PBRM1: variants seen among roughly 807,000 people sequenced by gnomAD.
The protein encoded by PBRM1 is polybromo 1.
In PBRM1, 27 loss-of-function variants were observed where a neutral mutation model predicts 194.5. That is an observed-to-expected ratio of 0.14 (90% CI 0.10 to 0.19). PBRM1 has a LOEUF of 0.19. PBRM1 is among the 10% of genes least tolerant of loss of function. The probability of loss-of-function intolerance (pLI) is 1.00; values close to 1 mark genes in which losing one functional copy is unlikely to be tolerated. For missense variants in PBRM1, 1,466 were observed against 2,077.2 expected (o/e 0.71, Z 5.72); for synonymous variants, 655 against 693.2 (o/e 0.94, Z 0.87).
At chr3:52,568,835 A>G (rs965988722) in intron 22 of PBRM1, among the ~76,000 whole-genome samples, 1 of 152,176 alleles carries the variant, frequency 6.6e-6, no homozygotes, top group Admixed American at 6.6e-5. Context: ...ATGTTTTAAT[A>G]TCTGGTAAGG....
chr3:52,658,382 T>A, intron 4 of PBRM1, 67 bp from the exon 6 acceptor site: 1 of 820,342 alleles, frequency 1.2e-6, no homozygotes, highest in Non-Finnish European at 2.0e-6. Flanking sequence ...ACATAGCTTC[T>A]AAAATTGTAG....
At position 52,564,239 on chromosome 3, in the gene PBRM1, A is replaced by G. The variant is rs1242477631; in HGVS notation, c.3692-6T>C. ...TGACAACACAGCACACTTTCCTGAAAGAGAAAATTAGAAAGAAATTAAAGG... is the reference window on the plus strand; with the variant it reads ...TGACAACACAGCACACTTTCCTGAAGGAGAAAATTAGAAAGAAATTAAAGG... On this transcript the variant is annotated splice_region_variant and splice_polypyrimidine_tract_variant and intron_variant, in intron 22 of 29. Transcript: ENST00000296302. 1 of 1,604,118 alleles carries G rather than the reference A, an allele frequency of 6.2e-7. No individual in the cohort carries two copies. The highest frequency in any genetic ancestry group is 1.3e-5 in the African/African-American group (1 of 74,776).
chr3:52,639,406 A>C (rs2095977049), intron 10 of PBRM1, among the ~76,000 whole-genome samples: 1 of 150,860 alleles, frequency 6.6e-6, no homozygotes, highest in African/African-American at 2.4e-5. Context: ...TTTTGATTTT[A>C]TTGATCTTTC....
upstream of PBRM1, chr3:52,681,848 G>A: frequency 3.4e-6 from 1 of 298,196 alleles, no homozygotes; most frequent in Non-Finnish European, 5.2e-6. Context: ...GGCAGAGAAG[G>A]GGGAAATAGA....
Position 52,663,258 on chromosome 3 carries a change from C to T in PBRM1, c.385-982G>A, listed in dbSNP as rs564319093. On this transcript the variant is annotated intron_variant, in intron 3 of 29. Coordinates refer to ENST00000296302, the Ensembl canonical transcript of PBRM1. ...TCATTTCCAAGGCTTCTCTGGGCAGCGAGGAGGGAAGACAAAGGTCAGGGT... is the reference window on the plus strand; with the variant it reads ...TCATTTCCAAGGCTTCTCTGGGCAGTGAGGAGGGAAGACAAAGGTCAGGGT... Among the ~76,000 whole-genome samples the T allele has an allele frequency of 7.4e-4, 112 of 152,158 alleles. 1 individual carries two copies. The highest frequency in any genetic ancestry group is 1.3e-3 in the Non-Finnish European group (91 of 67,998).
intron 27 of PBRM1, among the ~76,000 whole-genome samples, chr3:52,552,706 C>G (rs564423412): frequency 6.6e-6 from 1 of 152,296 alleles, no homozygotes; most frequent in Non-Finnish European, 1.5e-5. Context: ...CTAGAGGGTA[C>G]TGGCATTAGA....
intron 18 of PBRM1, among the ~76,000 whole-genome samples, chr3:52,588,548 CTTTCT>C (rs1403374798): frequency 1.5e-5 from 2 of 136,784 alleles, no homozygotes; most frequent in Non-Finnish European, 3.1e-5. Context: ...AGCTGTATTT[CTTTCT>C]TTTTTTTTTT....
intron 22 of PBRM1, among the ~76,000 whole-genome samples, chr3:52,572,046 C>CA (rs891946745): frequency 2.9e-5 from 4 of 136,138 alleles, no homozygotes; most frequent in Admixed American, 7.5e-5. Flanking sequence ...TCAAACAAAA[C>CA]AAAAAAAACT....
exon 18 of PBRM1, chr3:52,589,120 T>C (rs200477547): frequency 5.9e-5 from 95 of 1,613,656 alleles, no homozygotes; most frequent in Middle Eastern, 1.6e-4. Flanking sequence ...TGGTTGTAGG[T>C]TGGCCTCTGC....
chr3:52,564,662 A>G (rs1295547561), intron 22 of PBRM1, among the ~76,000 whole-genome samples: 1 of 152,104 alleles, frequency 6.6e-6, no homozygotes, highest in East Asian at 1.9e-4. Flanking sequence ...GAAAAAAAAA[A>G]AAAGATATAA....
intron 5 of PBRM1, among the ~76,000 whole-genome samples, chr3:52,652,482 A>G (rs2153813521): frequency 6.6e-6 from 1 of 151,116 alleles, no homozygotes; most frequent in South Asian, 2.1e-4. Context: ...AGGTCAGGAG[A>G]TTGAGACCAT....
intron 10 of PBRM1, among the ~76,000 whole-genome samples, chr3:52,637,450 G>A (rs574495903): frequency 6.6e-6 from 1 of 152,160 alleles, no homozygotes; most frequent in Admixed American, 6.5e-5. Context: ...TGGGCAAAAT[G>A]ATGAAACTCC....
At chr3:52,603,717 T>C (rs149186835) in exon 17 of PBRM1, 100 of 1,606,552 alleles carry the variant, frequency 6.2e-5, no homozygotes, top group Admixed American at 5.8e-4. Flanking sequence ...CATCTTCATA[T>C]ATTTCTGAAT....
intron 3 of PBRM1, among the ~76,000 whole-genome samples, chr3:52,662,993 T>C (rs184111716): frequency 1.3e-5 from 2 of 152,310 alleles, no homozygotes; most frequent in East Asian, 1.9e-4. Flanking sequence ...TTTCAAAATG[T>C]CTGCTCATGA....
chr3:52,561,985 T>G lies in PBRM1; in HGVS notation c.4087-17A>C. 6.3e-7 allele frequency: 1 copy of G among 1,594,278 alleles called. No homozygotes were observed. The highest frequency in any genetic ancestry group is 1.1e-5 in the South Asian group (1 of 90,664). ...TGGGGTAGACTGTAAGACAGAAAGG[T>G]CTTATGGTGCATCAAAACATTACAT... On this transcript the variant is annotated splice_polypyrimidine_tract_variant and intron_variant, in intron 24 of 29. Transcript: ENST00000296302.
At chr3:52,634,812 G>T in exon 11 of PBRM1, 1 of 1,610,414 alleles carries the variant, frequency 6.2e-7, no homozygotes. Flanking sequence ...TTCATAGCGT[G>T]CAGCTGGAAA....
intron 13 of PBRM1, among the ~76,000 whole-genome samples, chr3:52,617,868 T>C (rs1386903893): frequency 6.6e-6 from 1 of 152,242 alleles, no homozygotes; most frequent in African/African-American, 2.4e-5. Flanking sequence ...TGAGATATAT[T>C]TTTTGTTTAA....
At chr3:52,604,187 T>A (rs1179068688) in intron 16 of PBRM1, among the ~76,000 whole-genome samples, 2 of 152,224 alleles carry the variant, frequency 1.3e-5, no homozygotes, top group African/African-American at 4.8e-5. Flanking sequence ...TGGTCCTACA[T>A]CATGGTTGCC....
chr3:52,678,407 C>T (rs2097149257), intron 2 of PBRM1, 93 bp downstream of exon 3: 2 of 771,078 alleles, frequency 2.6e-6, no homozygotes, highest in Middle Eastern at 2.3e-4. Flanking sequence ...TTAAGCCATT[C>T]CTGCCAACAA....
Sources: gnomAD v4.1 joint callset for allele counts (sites outside exome capture counted in the v4.1 genomes callset) on GRCh38, gnomAD v4.1.1 for gene constraint, MANE v1.5 for transcripts, NCBI Gene and HGNC (gene_info 2026-07-23, HGNC 2026-07-21) for gene names.